MGLL: variants seen among roughly 807,000 people sequenced by gnomAD.
MGLL encodes lysophospholipase homolog.
In MGLL, 7 loss-of-function variants were observed where a neutral mutation model predicts 29.1. The observed-to-expected ratio is 0.24, with a 90% CI of 0.14 to 0.45. The LOEUF (loss-of-function observed/expected upper bound fraction) is 0.45, where lower values mean the gene tolerates loss of function less well. MGLL is among the 20% of genes least tolerant of loss of function. The pLI is 0.99. For missense variants in MGLL, 356 were observed against 413.6 expected (o/e 0.86, Z 1.21); for synonymous variants, 148 against 168.3 (o/e 0.88, Z 0.93).
intron 3 of MGLL, among the ~76,000 whole-genome samples, chr3:127,739,060 C>T (rs2076291842): frequency 6.6e-6 from 1 of 152,176 alleles, no homozygotes; most frequent in Non-Finnish European, 1.5e-5. Flanking sequence ...GTCCATTTGC[C>T]TGCATCTTAA....
At chr3:127,699,426 C>T (rs1184216630) in intron 6 of MGLL, among the ~76,000 whole-genome samples, 1 of 152,118 alleles carries the variant, frequency 6.6e-6, no homozygotes, top group Admixed American at 6.5e-5. Context: ...ATAACTAATG[C>T]GTGGAGCCCT....
intron 3 of MGLL, among the ~76,000 whole-genome samples, chr3:127,729,363 C>T (rs1323688503): frequency 6.6e-6 from 1 of 152,172 alleles, no homozygotes; most frequent in Non-Finnish European, 1.5e-5. Context: ...TCTTGTGCAA[C>T]CATCACCATC....
intron 3 of MGLL, among the ~76,000 whole-genome samples, chr3:127,777,865 G>A (rs1461131710): frequency 6.6e-6 from 1 of 152,260 alleles, no homozygotes; most frequent in Non-Finnish European, 1.5e-5. Flanking sequence ...AAAGTGCCCA[G>A]TAGAGAGCCT....
chr3:127,704,131 G>A (rs933834178), intron 6 of MGLL, among the ~76,000 whole-genome samples: 26 of 152,174 alleles, frequency 1.7e-4, no homozygotes, highest in African/African-American at 2.4e-5. Context: ...ATGGGGGAAG[G>A]ACTCCCTATT....
chr3:127,766,862 G>A (rs2076866593), intron 3 of MGLL, among the ~76,000 whole-genome samples: 1 of 152,164 alleles, frequency 6.6e-6, no homozygotes, highest in Non-Finnish European at 1.5e-5. Context: ...CTTGAGGTCA[G>A]GAGTTCAAGA....
intron 3 of MGLL, among the ~76,000 whole-genome samples, chr3:127,741,506 A>AT (rs2076339467): frequency 3.3e-5 from 5 of 152,238 alleles, no homozygotes; most frequent in Admixed American, 3.3e-4. Flanking sequence ...CACGAGGCCC[A>AT]TGCTAGGACA....
At chr3:127,768,713 C>T (rs1052658001) in intron 3 of MGLL, among the ~76,000 whole-genome samples, 2 of 152,186 alleles carry the variant, frequency 1.3e-5, no homozygotes, top group Admixed American at 6.5e-5. Context: ...CCTACTGAAG[C>T]TCCCTGTCCT....
intron 5 of MGLL, chr3:127,710,961 A>G: frequency 2.3e-6 from 1 of 428,184 alleles, no homozygotes; most frequent in South Asian, 2.1e-5. Context: ...ATGATCGCTC[A>G]TGGGTTGTAA....
intron 2 of MGLL, among the ~76,000 whole-genome samples, chr3:127,815,009 T>G (rs530731273): frequency 6.6e-6 from 1 of 152,214 alleles, no homozygotes; most frequent in African/African-American, 2.4e-5. Flanking sequence ...TTTCTCAGAG[T>G]TTAAGAGTAA....
At chr3:127,797,492 T>A (rs1370759433) in intron 2 of MGLL, among the ~76,000 whole-genome samples, 1 of 152,230 alleles carries the variant, frequency 6.6e-6, no homozygotes, top group East Asian at 1.9e-4. Context: ...AACACAATCC[T>A]TTTATTATGG....
At chr3:127,800,404 T>C (rs536736288) in intron 2 of MGLL, among the ~76,000 whole-genome samples, 1 of 152,350 alleles carries the variant, frequency 6.6e-6, no homozygotes, top group South Asian at 2.1e-4. Flanking sequence ...TGACTTGAGT[T>C]CAGATCTAGG....
chr3:127,735,894 C>A, intron 3 of MGLL: 1 of 1,554,852 alleles, frequency 6.4e-7, no homozygotes. Context: ...CTGTTCAGCT[C>A]TGCAAAGAGA....
intron 6 of MGLL, among the ~76,000 whole-genome samples, chr3:127,701,799 A>T (rs2075495370): frequency 6.6e-6 from 1 of 151,962 alleles, no homozygotes; most frequent in Non-Finnish European, 1.5e-5. Flanking sequence ...ACTGGCCCCG[A>T]TATCTCCGTT....
intron 4 of MGLL, 127 bp from the exon 5 acceptor site, chr3:127,721,290 G>A: frequency 1.4e-6 from 1 of 733,504 alleles, no homozygotes; most frequent in Non-Finnish European, 2.4e-6. Context: ...GGACTACCTT[G>A]GAAGAGGCAC....
At chr3:127,738,680 G>A (rs1031032411) in intron 3 of MGLL, among the ~76,000 whole-genome samples, 1 of 152,188 alleles carries the variant, frequency 6.6e-6, no homozygotes, top group South Asian at 2.1e-4. Flanking sequence ...CAGCATGGGG[G>A]AGAAGGCCAG....
intron 2 of MGLL, among the ~76,000 whole-genome samples, chr3:127,794,815 C>T (rs982877977): frequency 5.3e-5 from 8 of 152,204 alleles, no homozygotes; most frequent in African/African-American, 1.9e-4. Context: ...CTTATGTAGG[C>T]CTCCTCCTCA....
intron 3 of MGLL, among the ~76,000 whole-genome samples, chr3:127,741,323 G>A (rs935632974): frequency 6.6e-6 from 1 of 152,208 alleles, no homozygotes; most frequent in Non-Finnish European, 1.5e-5. Context: ...TGCTTTCTTG[G>A]GGGGGAAAGT....
chr3:127,818,998 A>G (rs765667260), intron 2 of MGLL, among the ~76,000 whole-genome samples: 1 of 152,326 alleles, frequency 6.6e-6, no homozygotes. Flanking sequence ...TGGAGGTTTA[A>G]GTTCTGATTC....
chr3:127,719,222 T>C (rs2075874715), intron 5 of MGLL, among the ~76,000 whole-genome samples: 2 of 152,212 alleles, frequency 1.3e-5, no homozygotes, highest in Non-Finnish European at 2.9e-5. Context: ...GAGGAAACCC[T>C]TGTTGGTCCC....
Sources: gnomAD v4.1 joint callset for allele counts (sites outside exome capture counted in the v4.1 genomes callset) on GRCh38, gnomAD v4.1.1 for gene constraint, MANE v1.5 for transcripts, NCBI Gene and HGNC (gene_info 2026-07-23, HGNC 2026-07-21) for gene names.